HPSE: variants seen among roughly 807,000 people sequenced by gnomAD.
HPSE encodes the protein endo-glucoronidase.
A neutral mutation model predicts 65.1 loss-of-function variants in HPSE; 48 were observed. The ratio of observed to expected loss-of-function variants is 0.74; its 90% CI spans 0.58 to 0.94. The LOEUF (loss-of-function observed/expected upper bound fraction) is 0.94. HPSE is among the 40% of genes least tolerant of loss of function. The pLI is 0.00. For missense variants in HPSE, 644 were observed against 637.5 expected, an observed-to-expected ratio of 1.01 and a Z score of -0.11; for synonymous variants, 243 against 260.0, an observed-to-expected ratio of 0.93 and a Z score of 0.63.
intron 3 of HPSE, among the ~76,000 whole-genome samples, chr4:83,316,351 A>AAC (rs1474298353): frequency 1.1e-4 from 13 of 115,920 alleles, no homozygotes; most frequent in South Asian, 2.7e-4. Flanking sequence ...AAAAAAAAAC[A>AAC]AAAAAAACAG....
At chr4:83,304,807 T>C (rs1183945278) in intron 9 of HPSE, among the ~76,000 whole-genome samples, 1 of 151,664 alleles carries the variant, frequency 6.6e-6, no homozygotes, top group Non-Finnish European at 1.5e-5. Context: ...GAGACAAGAG[T>C]GGAATCAATG....
At chr4:83,311,920 C>T (rs780017323) in intron 4 of HPSE, among the ~76,000 whole-genome samples, 4 of 151,782 alleles carry the variant, frequency 2.6e-5, no homozygotes, top group Admixed American at 6.6e-5. Flanking sequence ...ATAAATGTGG[C>T]GAATCATGAA....
At chr4:83,335,138 CG>C, upstream of HPSE, 1 of 221,282 alleles carries the variant, frequency 4.5e-6, no homozygotes, top group Non-Finnish European at 8.8e-6. Flanking sequence ...GAGGAGCGCC[CG>C]GGGAGCAGCG....
rs200924614 is a variant in HPSE at position 83,295,427 on chromosome 4, G to A, written c.1549C>T (p.Arg517Trp). Residue 517 changes from arginine to tryptophan, a missense_variant, in exon 12 of 12, where the codon CGG (arginine) becomes TGG (tryptophan). Coordinates refer to ENST00000311412, the MANE Select transcript of HPSE (RefSeq NM_001098540.3). ...GGCAAGCCCAGTGAACTTCCTGGCC[G>A]GAGAGGTTTTTCCATTAAAGGTGGC... Reference protein sequence around the residue: ...TLPPLMEKPLRPGSSLGLPAF... With the variant: ...TLPPLMEKPLWPGSSLGLPAF... 111 of 1,613,252 alleles carry A rather than the reference G, an allele frequency of 6.9e-5. No homozygotes were observed. In the East Asian group the frequency reaches 9.6e-4, roughly 14 times the overall value.
chr4:83,329,191 T>C (rs1420179737), intron 1 of HPSE, among the ~76,000 whole-genome samples: 1 of 152,062 alleles, frequency 6.6e-6, no homozygotes, highest in East Asian at 1.9e-4. Flanking sequence ...GTCCACTCCC[T>C]CCTCCCGCAA....
At chr4:83,303,676 T>C (rs772415935) in intron 9 of HPSE, among the ~76,000 whole-genome samples, 1 of 152,060 alleles carries the variant, frequency 6.6e-6, no homozygotes, top group Non-Finnish European at 1.5e-5. Flanking sequence ...CAGCCTCTCA[T>C]GTAGCTGGGA....
At position 83,302,178 on chromosome 4, in the gene HPSE, C is replaced by T. The variant is rs746742003; in HGVS notation, c.1297G>A (p.Val433Ile). The change falls in exon 10 of 12, where the codon GTA (valine) becomes ATA (isoleucine). Residue 433 changes from valine to isoleucine, a missense_variant. By Grantham distance (29) the Val-to-Ile change is conservative. Transcript: ENST00000311412. ...TCAGTGTTTGTGCAATGAAGGTATACTCGAAGCTTCCTTCTCTTTGAACCT... is the reference window on the plus strand; with the variant it reads ...TCAGTGTTTGTGCAATGAAGGTATATTCGAAGCTTCCTTCTCTTTGAACCT... ...VQGSKRRKLR[V>I]YLHCTNTDNP... 1.2e-6 allele frequency: 2 copies of T among 1,613,248 alleles called. No individual in the cohort carries two copies. Among genetic ancestry groups the T allele is most frequent in the Non-Finnish European group, 1.7e-6 (2 of 1,179,216 alleles).
At chr4:83,295,597 A>AT (rs913706901) in intron 11 of HPSE, 94 bp from the exon 12 acceptor site, 859 of 1,073,754 alleles carry the variant, frequency 8.0e-4, no homozygotes, top group South Asian at 1.2e-3. Flanking sequence ...GACCAAATAA[A>AT]TTTTTTTTTG....
intron 1 of HPSE, among the ~76,000 whole-genome samples, chr4:83,323,756 G>A (rs1737019636): frequency 1.3e-5 from 2 of 152,232 alleles, no homozygotes; most frequent in South Asian, 4.1e-4. Context: ...TGCATATTCT[G>A]TCAAGCCAAA....
At chr4:83,310,583 G>T in intron 5 of HPSE, 139 bp downstream of exon 5, 1 of 733,392 alleles carries the variant, frequency 1.4e-6, no homozygotes, top group South Asian at 2.1e-5. Context: ...GAGATGGGAG[G>T]ATTGCTTGAG....
intron 1 of HPSE, among the ~76,000 whole-genome samples, chr4:83,329,143 A>G (rs993399976): frequency 6.6e-6 from 1 of 152,180 alleles, no homozygotes; most frequent in Non-Finnish European, 1.5e-5. Context: ...AAGCTAAAAA[A>G]TGTTTGGTGC....
intron 9 of HPSE, among the ~76,000 whole-genome samples, chr4:83,303,329 G>A (rs1736027457): frequency 6.6e-6 from 1 of 152,104 alleles, no homozygotes; most frequent in African/African-American, 2.4e-5. Flanking sequence ...TACAAGAGAT[G>A]AAAGAGAGGG....
chr4:83,322,482 A>G, intron 1 of HPSE, 118 bp from the exon 2 acceptor site: 2 of 798,808 alleles, frequency 2.5e-6, no homozygotes, highest in Non-Finnish European at 3.8e-6. Context: ...TGCAGGACTT[A>G]GAGGAGGAAA....
At position 83,313,502 on chromosome 4, in the gene HPSE, T is replaced by C. The variant is rs148741051; in HGVS notation, c.500-215A>G. Among the ~76,000 whole-genome samples, 390 of 152,280 alleles carry C rather than the reference T, an allele frequency of 2.6e-3. 2 individuals are homozygous for C. Among genetic ancestry groups the C allele is most frequent in the African/African-American group, 9.1e-3 (379 of 41,550 alleles). ...GCTCCAGCTGTTGAATGAAATCCCATGGAAGATACCAGAAGCTCTGGTCTG... is the reference window on the plus strand; with the variant it reads ...GCTCCAGCTGTTGAATGAAATCCCACGGAAGATACCAGAAGCTCTGGTCTG... On this transcript the variant is annotated intron_variant, in intron 3 of 11. Transcript: ENST00000311412.
At chr4:83,327,078 G>A (rs1737184660) in intron 1 of HPSE, among the ~76,000 whole-genome samples, 1 of 152,110 alleles carries the variant, frequency 6.6e-6, no homozygotes, top group African/African-American at 2.4e-5. Context: ...CTCTATTGCA[G>A]CCCCCATCTC....
intron 1 of HPSE, among the ~76,000 whole-genome samples, chr4:83,325,688 A>G (rs752111558): frequency 2.0e-5 from 3 of 152,214 alleles, no homozygotes; most frequent in Non-Finnish European, 2.9e-5. Flanking sequence ...TAAAAATGCT[A>G]TGGAAACATT....
Position 83,334,622 on chromosome 4 carries a change from G to T in HPSE, c.161C>A (p.Pro54His). 1 of 1,591,314 alleles carries T rather than the reference G, an allele frequency of 6.3e-7. No individual in the cohort carries two copies. The highest frequency in any genetic ancestry group is 2.3e-5 in the East Asian group (1 of 43,822). ...GTCAATGGTGACGGACAGGAACGAG[G>T]GGCTCACCAGGTGCAGCGGCTCCTG... is the stretch of plus-strand genomic sequence containing the variant. ...FTQEPLHLVS[P>H]SFLSVTIDAN... Residue 54 changes from proline (P) to histidine (H), a missense_variant, in exon 1 of 12, where the codon CCC (proline) becomes CAC (histidine). Coordinates refer to ENST00000311412, the MANE Select transcript of HPSE (RefSeq NM_001098540.3).
rs754032506 is a variant in HPSE at position 83,295,328 on chromosome 4, C to T, written c.*16G>A. On this transcript the variant is annotated 3_prime_UTR_variant, in exon 12 of 12. Coordinates refer to ENST00000311412, the MANE Select transcript of HPSE (RefSeq NM_001098540.3). ...ATACTTGAAAAATTCAGTGTCAGGACTAGTATATTTTATTTTCAGATGCAA... is the reference window on the plus strand; with the variant it reads ...ATACTTGAAAAATTCAGTGTCAGGATTAGTATATTTTATTTTCAGATGCAA... 5 of 1,595,378 alleles carry T rather than the reference C, an allele frequency of 3.1e-6. No individual in the cohort carries two copies. The Admixed American group carries it at 8.6e-5, about 28-fold the overall frequency.
In HPSE at chr4:83,295,324, A is replaced by C. The variant is rs1735680632; in HGVS notation, c.*20T>G. ...TAGTATACTTGAAAAATTCAGTGTC[A>C]GGACTAGTATATTTTATTTTCAGAT... On this transcript the variant is annotated 3_prime_UTR_variant, in exon 12 of 12. Coordinates refer to ENST00000311412, the MANE Select transcript of HPSE (RefSeq NM_001098540.3). The C allele has an allele frequency of 2.2e-5, 34 of 1,579,700 alleles. No homozygotes were observed. Among genetic ancestry groups the C allele is most frequent in the Non-Finnish European group, 2.9e-5 (34 of 1,159,418 alleles).
Sources: allele counts gnomAD v4.1 joint callset (sites outside exome capture counted in the v4.1 genomes callset), GRCh38; gene constraint gnomAD v4.1.1; transcripts MANE v1.5; gene names NCBI Gene and HGNC (gene_info 2026-07-23, HGNC 2026-07-21).